MAML3: variants seen among roughly 807,000 people sequenced by gnomAD.
MAML3 encodes mastermind-like protein 3.
In MAML3, 27 loss-of-function variants were observed where a neutral mutation model predicts 101.9. That is an observed-to-expected ratio of 0.27 (90% CI 0.20 to 0.37). The LOEUF (loss-of-function observed/expected upper bound fraction) is 0.37, where lower values mean the gene tolerates loss of function less well. Among genes scored for constraint, MAML3 ranks in the 10% least tolerant of loss-of-function variants. MAML3 has a pLI of 1.00. For missense variants in MAML3, 1,316 were observed against 1,444.9 expected (o/e 0.91, Z 1.45); for synonymous variants, 501 against 555.9 (o/e 0.90, Z 1.39).
intron 2 of MAML3, among the ~76,000 whole-genome samples, chr4:139,756,876 G>A (rs1429629862): frequency 1.3e-5 from 2 of 152,152 alleles, no homozygotes; most frequent in Non-Finnish European, 2.9e-5. Context: ...TTTTTATGGA[G>A]GTTCTCTTAA....
At chr4:140,123,108 T>TC (rs1553977992) in intron 1 of MAML3, among the ~76,000 whole-genome samples, 569 of 149,862 alleles carry the variant, frequency 3.8e-3, no homozygotes, top group Middle Eastern at 6.8e-3. Context: ...TTTTTTTTTT[T>TC]GCTCTGTAGC....
At chr4:140,047,024 G>GCCA (rs1186069549) in intron 1 of MAML3, among the ~76,000 whole-genome samples, 5 of 152,148 alleles carry the variant, frequency 3.3e-5, no homozygotes, top group African/African-American at 1.2e-4. Flanking sequence ...AGTGGCCATG[G>GCCA]TGTTTCGAAG....
intron 1 of MAML3, among the ~76,000 whole-genome samples, chr4:139,901,394 C>T (rs549107204): frequency 4.9e-4 from 75 of 152,270 alleles, no homozygotes; most frequent in African/African-American, 1.7e-3. Context: ...GTTTCATATA[C>T]ATAAATACAC....
intron 3 of MAML3, among the ~76,000 whole-genome samples, chr4:139,730,066 C>T (rs753324665): frequency 3.3e-5 from 5 of 152,132 alleles, no homozygotes; most frequent in Non-Finnish European, 5.9e-5. Context: ...AGAAATATTA[C>T]GGCTTATGGA....
chr4:140,038,169 T>G (rs1727019706), intron 1 of MAML3, among the ~76,000 whole-genome samples: 2 of 152,216 alleles, frequency 1.3e-5, no homozygotes, highest in Admixed American at 6.5e-5. Context: ...GCTGACTGTT[T>G]CTAGTGCTGC....
intron 2 of MAML3, among the ~76,000 whole-genome samples, chr4:139,787,917 G>A (rs1313074395): frequency 6.6e-6 from 1 of 152,196 alleles, no homozygotes; most frequent in Non-Finnish European, 1.5e-5. Context: ...TCAATTTGAA[G>A]CTTTGTACTT....
In MAML3 at chr4:139,889,676, G is replaced by C. The variant is rs368137406; in HGVS notation, c.1760C>G (p.Thr587Arg). The change falls in exon 2 of 5, where the codon ACA (threonine) becomes AGA (arginine). Residue 587 changes from threonine to arginine, a missense_variant. Physicochemically the swap from Thr to Arg is moderately conservative, Grantham distance 71. Transcript: ENST00000509479. ...MINQQPNNLG[T>R]NSLNKQHNIL... is the part of the protein sequence containing the mutation. ...ATTGTGCTGTTTGTTTAAGGAGTTT[G>C]TACCCAAGTTATTTGGCTGCTGATT... 38 of 1,613,882 alleles carry C rather than the reference G, an allele frequency of 2.4e-5. No homozygotes were observed. The highest frequency in any genetic ancestry group is 3.3e-5 in the Admixed American group (2 of 60,000).
At chr4:139,976,749 T>A (rs1734346262) in intron 1 of MAML3, among the ~76,000 whole-genome samples, 1 of 152,228 alleles carries the variant, frequency 6.6e-6, no homozygotes, top group South Asian at 2.1e-4. Flanking sequence ...TAATTAAGTT[T>A]GATTCTATAC....
At chr4:139,990,557 T>C (rs1450516377) in intron 1 of MAML3, among the ~76,000 whole-genome samples, 42 of 149,934 alleles carry the variant, frequency 2.8e-4, no homozygotes, top group Admixed American at 1.3e-3. Context: ...CCAGGGCAAT[T>C]AGGCAGGAGA....
chr4:140,061,778 C>G (rs534456645), intron 1 of MAML3, among the ~76,000 whole-genome samples: 14 of 152,316 alleles, frequency 9.2e-5, no homozygotes, highest in African/African-American at 3.4e-4. Flanking sequence ...GAAATTACCA[C>G]TAACTGGCAA....
chr4:139,898,675 G>T (rs1732659779), intron 1 of MAML3, among the ~76,000 whole-genome samples: 1 of 152,152 alleles, frequency 6.6e-6, no homozygotes, highest in African/African-American at 2.4e-5. Flanking sequence ...GAACATTTTG[G>T]TCATTTTGAT....
At chr4:139,723,361 A>C (rs1441700805) in intron 4 of MAML3, among the ~76,000 whole-genome samples, 2 of 152,148 alleles carry the variant, frequency 1.3e-5, no homozygotes, top group Non-Finnish European at 1.5e-5. Context: ...CCCAGGCTGG[A>C]GTGCAATGGC....
chr4:139,839,074 C>T (rs57479509), intron 2 of MAML3, among the ~76,000 whole-genome samples: 62,325 of 152,056 alleles, frequency 0.41, 13,441 homozygotes, highest in East Asian at 0.64. Context: ...AGAGAGCTGA[C>T]TGCTTGAAGC....
At chr4:139,891,616 C>T (rs182426896) in intron 1 of MAML3, among the ~76,000 whole-genome samples, 26 of 152,140 alleles carry the variant, frequency 1.7e-4, no homozygotes, top group Admixed American at 3.9e-4. Flanking sequence ...TACTTGAAAA[C>T]GATGTTAATA....
intron 1 of MAML3, chr4:140,133,206 T>C: frequency 2.7e-6 from 1 of 370,104 alleles, no homozygotes; most frequent in Non-Finnish European, 5.4e-6. Context: ...GTCCTATTTG[T>C]GTAACTTAAA....
intron 2 of MAML3, among the ~76,000 whole-genome samples, chr4:139,800,698 C>G (rs1392600194): frequency 6.6e-6 from 1 of 152,112 alleles, no homozygotes; most frequent in Non-Finnish European, 1.5e-5. Flanking sequence ...TCAAAGTCAG[C>G]TTTAATTTCT....
chr4:140,152,221 A>C (rs936625250), intron 1 of MAML3, among the ~76,000 whole-genome samples: 1 of 152,190 alleles, frequency 6.6e-6, no homozygotes, highest in Admixed American at 6.5e-5. Flanking sequence ...CCCCGCGCGC[A>C]GCCACCCTCG....
chr4:140,141,837 T>C (rs966943941), intron 1 of MAML3, among the ~76,000 whole-genome samples: 5 of 152,230 alleles, frequency 3.3e-5, no homozygotes, highest in African/African-American at 1.2e-4. Context: ...AAATGGGCTG[T>C]AATAAGATTC....
intron 1 of MAML3, among the ~76,000 whole-genome samples, chr4:140,050,723 C>T (rs1019374294): frequency 6.6e-6 from 1 of 152,292 alleles, no homozygotes; most frequent in East Asian, 1.9e-4. Context: ...GAATACAACA[C>T]GCTGTCAATC....
Sources: allele counts gnomAD v4.1 joint callset (sites outside exome capture counted in the v4.1 genomes callset), GRCh38; gene constraint gnomAD v4.1.1; transcripts MANE v1.5; gene names NCBI Gene and HGNC (gene_info 2026-07-23, HGNC 2026-07-21).